The following FBXL17 variants were observed in gnomAD, a reference collection of about 807,000 sequenced individuals.
FBXL17 encodes F-box and leucine rich repeat protein 17.
Under a neutral mutation model 66.2 loss-of-function variants are expected in FBXL17, and 22 were observed. That is an observed-to-expected ratio of 0.33 (90% confidence interval 0.24 to 0.47). FBXL17 has a LOEUF of 0.47. Among genes scored for constraint, FBXL17 ranks in the 20% least tolerant of loss-of-function variants. FBXL17 has a pLI of 1.00. For synonymous variants in FBXL17, 474 were observed against 400.5 expected (o/e 1.18, Z -2.19); for missense variants, 878 against 948.2 (o/e 0.93, Z 0.97).
At chr5:108,187,265 A>T (rs981710620) in intron 5 of FBXL17, among the ~76,000 whole-genome samples, 3 of 152,254 alleles carry the variant, frequency 2.0e-5, no homozygotes, top group African/African-American at 4.8e-5. Flanking sequence ...TTCAAATATT[A>T]AGCTATTTTT....
chr5:108,371,894 G>A (rs754125115), intron 1 of FBXL17, among the ~76,000 whole-genome samples: 6 of 152,106 alleles, frequency 3.9e-5, no homozygotes, highest in Non-Finnish European at 7.4e-5. Flanking sequence ...ACTGCAGGAC[G>A]AGACTCATTA....
chr5:108,026,566 C>T (rs915620343), intron 6 of FBXL17, among the ~76,000 whole-genome samples: 23 of 152,170 alleles, frequency 1.5e-4, no homozygotes, highest in African/African-American at 5.1e-4. Context: ...AATTAACATG[C>T]GAGAGCATTT....
intron 7 of FBXL17, among the ~76,000 whole-genome samples, chr5:107,917,154 A>C (rs1233342399): frequency 6.6e-6 from 1 of 152,204 alleles, no homozygotes; most frequent in Non-Finnish European, 1.5e-5. Context: ...AATTACAGCT[A>C]CTATTACTGG....
chr5:108,061,665 C>T (rs1479324536), intron 6 of FBXL17, among the ~76,000 whole-genome samples: 3 of 152,078 alleles, frequency 2.0e-5, no homozygotes, highest in Admixed American at 6.6e-5. Context: ...CACCATTACT[C>T]GTAACTGGAT....
chr5:108,357,573 C>T (rs1561550633), intron 3 of FBXL17, among the ~76,000 whole-genome samples: 2 of 151,970 alleles, frequency 1.3e-5, no homozygotes, highest in Admixed American at 6.6e-5. Flanking sequence ...AAACAAACCA[C>T]ATTCCAGGCC....
chr5:107,975,219 T>C (rs1752532442), intron 7 of FBXL17, among the ~76,000 whole-genome samples: 1 of 152,198 alleles, frequency 6.6e-6, no homozygotes, highest in South Asian at 2.1e-4. Flanking sequence ...TTTTTTCATA[T>C]ATTGGCTTTG....
intron 7 of FBXL17, among the ~76,000 whole-genome samples, chr5:107,905,486 C>T (rs961698055): frequency 2.6e-5 from 4 of 152,094 alleles, no homozygotes; most frequent in African/African-American, 9.7e-5. Flanking sequence ...GGGATACCTC[C>T]TCAGACATCC....
At chr5:108,278,675 G>T (rs897858968) in intron 4 of FBXL17, among the ~76,000 whole-genome samples, 1 of 152,232 alleles carries the variant, frequency 6.6e-6, no homozygotes, top group Non-Finnish European at 1.5e-5. Flanking sequence ...AGCCCCACCA[G>T]AACTGGGGTA....
intron 6 of FBXL17, among the ~76,000 whole-genome samples, chr5:108,067,012 CTTA>C (rs1442024060): frequency 6.6e-6 from 1 of 151,938 alleles, no homozygotes; most frequent in Non-Finnish European, 1.5e-5. Flanking sequence ...TAATTTTCTT[CTTA>C]TATTTATAAT....
At chr5:108,365,173 T>C (rs886314929) in intron 2 of FBXL17, among the ~76,000 whole-genome samples, 178 bp from the exon 3 acceptor site, 1 of 152,076 alleles carries the variant, frequency 6.6e-6, no homozygotes, top group Non-Finnish European at 1.5e-5. Flanking sequence ...ATAATAATAA[T>C]ATTGTAATTG....
chr5:108,327,236 G>A (rs1331636599), intron 4 of FBXL17, among the ~76,000 whole-genome samples: 1 of 152,162 alleles, frequency 6.6e-6, no homozygotes, highest in Non-Finnish European at 1.5e-5. Context: ...CTTAGACTAA[G>A]GTTGACATAA....
intron 4 of FBXL17, chr5:108,299,931 T>C (rs1387928947): frequency 3.8e-6 from 2 of 532,114 alleles, no homozygotes; most frequent in African/African-American, 2.1e-5. Flanking sequence ...TGTCCAAATC[T>C]AGATCCTACA....
chr5:108,083,064 T>C (rs1748828557), intron 6 of FBXL17, among the ~76,000 whole-genome samples: 1 of 152,222 alleles, frequency 6.6e-6, no homozygotes, highest in South Asian at 2.1e-4. Context: ...GGGGAAGATA[T>C]AAGAAAACTG....
chr5:107,972,665 T>A (rs949820599), intron 7 of FBXL17, among the ~76,000 whole-genome samples: 2 of 152,194 alleles, frequency 1.3e-5, no homozygotes, highest in African/African-American at 2.4e-5. Flanking sequence ...TTATGATAAG[T>A]ATACTATAAG....
chr5:108,127,756 T>C (rs1456233666), intron 6 of FBXL17, among the ~76,000 whole-genome samples: 2 of 152,202 alleles, frequency 1.3e-5, no homozygotes, highest in African/African-American at 2.4e-5. Context: ...TCCCAAATGC[T>C]GATAGCTTTC....
Position 107,928,693 on chromosome 5 carries a change from G to C in FBXL17, c.1823-47514C>G, listed in dbSNP as rs190015528. Among the ~76,000 whole-genome samples the C allele has an allele frequency of 9.9e-5, 15 of 152,122 alleles. No individual in the cohort carries two copies. In the East Asian group the frequency reaches 2.5e-3, roughly 26 times the overall value. ...GAGAAAGAGGTAGTGGTTTTAACAG[G>C]ATTATCTACTATATTATTACTATAA... On this transcript the variant is annotated intron_variant, in intron 7 of 8. Coordinates refer to ENST00000542267, the MANE Select transcript of FBXL17 (RefSeq NM_001163315.3).
At chr5:108,053,931 G>A (rs543171687) in intron 6 of FBXL17, among the ~76,000 whole-genome samples, 135 of 152,236 alleles carry the variant, frequency 8.9e-4, no homozygotes, top group African/African-American at 2.9e-3. Flanking sequence ...CTATGCAGCC[G>A]TAAAAAGGAA....
At chr5:108,108,782 TTTTG>T (rs1391841742) in intron 6 of FBXL17, among the ~76,000 whole-genome samples, 1 of 145,198 alleles carries the variant, frequency 6.9e-6, no homozygotes, top group Non-Finnish European at 1.5e-5. Context: ...CACACTTTGT[TTTTG>T]TTTTTTTTTT....
intron 7 of FBXL17, among the ~76,000 whole-genome samples, chr5:107,983,375 G>A (rs1307180775): frequency 2.0e-5 from 3 of 151,260 alleles, no homozygotes; most frequent in Non-Finnish European, 2.9e-5. Flanking sequence ...TTTTTTCTTA[G>A]TAGAGACAAG....
Sources: gnomAD v4.1 joint callset for allele counts (sites outside exome capture counted in the v4.1 genomes callset) on GRCh38, gnomAD v4.1.1 for gene constraint, MANE v1.5 for transcripts, NCBI Gene and HGNC (gene_info 2026-07-23, HGNC 2026-07-21) for gene names.